E2F2: variants seen among roughly 807,000 people sequenced by gnomAD.
The protein encoded by E2F2 is E2F transcription factor 2.
E2F2 carries 22 observed loss-of-function variants against 42.2 expected under a neutral mutation model. The ratio of observed to expected loss-of-function variants is 0.52; its 90% CI spans 0.37 to 0.74. The LOEUF (loss-of-function observed/expected upper bound fraction) is 0.74. Ranked by LOEUF, E2F2 falls within the 30% of genes least tolerant of loss-of-function variation. E2F2 has a pLI of 0.00. For synonymous variants in E2F2, 248 were observed against 251.6 expected, an observed-to-expected ratio of 0.99 and a Z score of 0.13; for missense variants, 481 against 557.8, an observed-to-expected ratio of 0.86 and a Z score of 1.39.
At chr1:23,523,288 C>T (rs1188196267) in intron 2 of E2F2, among the ~76,000 whole-genome samples, 5 of 152,030 alleles carry the variant, frequency 3.3e-5, no homozygotes, top group Non-Finnish European at 7.4e-5. Flanking sequence ...TCCTGAGTAG[C>T]TGGGATTACA....
rs1249304188 is a variant in E2F2 at position 23,509,148 on chromosome 1, A to T, written c.*732T>A. On this transcript the variant is annotated 3_prime_UTR_variant, in exon 7 of 7. Coordinates refer to ENST00000361729, the MANE Select transcript of E2F2 (RefSeq NM_004091.4). Reference sequence around the variant, plus strand: ...GAGCCTCAGTGCTACCTGCCCTAGGATGGCTCCCTGGGACCATCTCTGGGA... The same window carrying T: ...GAGCCTCAGTGCTACCTGCCCTAGGTTGGCTCCCTGGGACCATCTCTGGGA... 1 of 152,078 alleles carries T rather than the reference A, an allele frequency of 6.6e-6. No individual in the cohort carries two copies. The highest frequency in any genetic ancestry group is 1.5e-5 in the Non-Finnish European group (1 of 68,010). 9.4% of individuals were successfully genotyped at this position (152,078 alleles called of 1,614,324 possible). A position where few individuals can be genotyped will look rare whatever the true frequency, so the allele number is the denominator to read the frequency against.
rs75815067 is a variant in E2F2, at chr1:23,530,757, C to G, written c.37G>C (p.Gly13Arg). 1,815 of 1,575,666 alleles carry G rather than the reference C, an allele frequency of 1.2e-3. 2 individuals are homozygous for G. The highest frequency in any genetic ancestry group is 1.5e-3 in the Non-Finnish European group (1,694 of 1,159,504). The change falls in exon 1 of 7, where the codon GGG becomes CGG. Residue 13 changes from glycine (G) to arginine (R), a missense_variant. By Grantham distance (125) the Gly-to-Arg change is moderately radical. Transcript: ENST00000361729. This position sits in a 1 kb window ranked among gnomAD's most constrained non-coding sequence, Gnocchi z 4.4. ...GCGGGCACCACCTTCGGGGTCTGCC[C>G]AGCGGCCGAAGCCAAGGCCCGGGGC... ...QGPRALASAA[G>R]QTPKVVPAMS...
At chr1:23,524,840 T>C (rs1643223752) in intron 1 of E2F2, among the ~76,000 whole-genome samples, 1 of 152,170 alleles carries the variant, frequency 6.6e-6, no homozygotes, top group Admixed American at 6.5e-5. Flanking sequence ...CAGAGGATGA[T>C]ACCAGGAGGA....
intron 6 of E2F2, among the ~76,000 whole-genome samples, chr1:23,513,608 G>A (rs928918409): frequency 2.2e-4 from 31 of 140,174 alleles, no homozygotes; most frequent in African/African-American, 7.0e-4. Context: ...GTGTGTGTGT[G>A]TGTCTGTGCA....
chr1:23,525,687 T>TG (rs1643239165), intron 1 of E2F2, among the ~76,000 whole-genome samples: 1 of 152,354 alleles, frequency 6.6e-6, no homozygotes, highest in East Asian at 1.9e-4. Context: ...GGTTAGCTCC[T>TG]GCTCCTTTAA....
intron 1 of E2F2, among the ~76,000 whole-genome samples, chr1:23,528,930 G>A (rs3218135): frequency 0.064 from 9,754 of 152,266 alleles, 351 homozygotes; most frequent in South Asian, 0.12. Context: ...CTGACCAGGT[G>A]CATTAGAGTA....
chr1:23,526,532 C>T (rs141595546), intron 1 of E2F2, among the ~76,000 whole-genome samples: 7 of 152,210 alleles, frequency 4.6e-5, no homozygotes, highest in Middle Eastern at 3.4e-3. Flanking sequence ...CTGTCTCCCC[C>T]GCCAGAACAA....
rs1344120599 is a variant in E2F2 at position 23,531,146 on chromosome 1, C to T, written c.-353G>A. On this transcript the variant is annotated 5_prime_UTR_variant, in exon 1 of 7. Transcript: ENST00000361729. ...GTCCCCGGCGTGCCCTCAAGCTCGG[C>T]GGAGACGCGATGCGCTGGGATGGGG... The T allele has an allele frequency of 3.9e-6, 1 of 256,796 alleles. No homozygotes were observed. 15.9% of individuals were successfully genotyped at this position (256,796 alleles called of 1,614,324 possible). A position where few individuals can be genotyped will look rare whatever the true frequency, so the allele number is the denominator to read the frequency against.
intron 6 of E2F2, among the ~76,000 whole-genome samples, chr1:23,514,572 A>T (rs1267121287): frequency 6.6e-6 from 1 of 152,086 alleles, no homozygotes; most frequent in Non-Finnish European, 1.5e-5. Flanking sequence ...TGGAGCCTGT[A>T]ATCCCAGCAC....
downstream of E2F2, chr1:23,506,318 C>G (rs1445851258): frequency 6.6e-6 from 1 of 152,254 alleles, no homozygotes; most frequent in East Asian, 1.9e-4. Flanking sequence ...GGGAAATCCA[C>G]TGGGCAATCA....
intron 1 of E2F2, 77 bp from the exon 2 acceptor site, chr1:23,524,565 G>T: frequency 7.4e-7 from 1 of 1,356,386 alleles, no homozygotes; most frequent in Non-Finnish European, 1.0e-6. Context: ...TGGGGCCAAA[G>T]CAATGAAGCC....
intron 5 of E2F2, among the ~76,000 whole-genome samples, chr1:23,517,741 T>C (rs1643052427): frequency 6.6e-6 from 1 of 152,016 alleles, no homozygotes; most frequent in African/African-American, 2.4e-5. Flanking sequence ...AAAGCACAGG[T>C]GTTTATGAAG....
At chr1:23,515,080 C>T (rs901052642) in intron 6 of E2F2, among the ~76,000 whole-genome samples, 2 of 152,212 alleles carry the variant, frequency 1.3e-5, no homozygotes, top group African/African-American at 4.8e-5. Context: ...CCTCTTCCAT[C>T]AGCCCAGCTC....
At position 23,521,014 on chromosome 1, in the gene E2F2, C is replaced by T; in HGVS notation, c.636G>A (p.Gln212=). The T allele has an allele frequency of 6.2e-7, 1 of 1,613,770 alleles. No individual in the cohort carries two copies. The highest frequency in any genetic ancestry group is 1.1e-5 in the South Asian group (1 of 91,026). ...CCGTGTTCATCAGCTCCTTCAGCTCCTGCCCCAGCTGTTGCTGCTTCCCAG... is the reference window on the plus strand; with the variant it reads ...CCGTGTTCATCAGCTCCTTCAGCTCTTGCCCCAGCTGTTGCTGCTTCCCAG... ...TRPGKQQQLG[Q]ELKELMNTEQ... Residue 212 remains glutamine, a synonymous_variant, in exon 4 of 7, where the codon CAG becomes CAA. Transcript: ENST00000361729.
chr1:23,521,643 T>C (rs933452941), intron 3 of E2F2, 194 bp downstream of exon 3: 1 of 985,298 alleles, frequency 1.0e-6, no homozygotes, highest in African/African-American at 1.7e-5. Context: ...ACGGCGCTCT[T>C]CCTCACCATA....
chr1:23,513,562 A>ATGTGTGTGTGTGTGTGTG (rs71023281), intron 6 of E2F2, among the ~76,000 whole-genome samples: 18 of 135,286 alleles, frequency 1.3e-4, no homozygotes, highest in East Asian at 6.7e-4. Flanking sequence ...AGCACGGAAC[A>ATGTGTGTGTGTGTGTGTG]TGTGTGTGTG....
intron 6 of E2F2, among the ~76,000 whole-genome samples, chr1:23,511,346 C>T (rs1428735086): frequency 5.9e-5 from 9 of 151,948 alleles, no homozygotes; most frequent in Admixed American, 1.3e-4. Flanking sequence ...GCAATCCTCT[C>T]GCCTCAGCCT....
chr1:23,509,847 C>T lies in E2F2; in HGVS notation c.*33G>A, dbSNP rs913982540. The T allele has an allele frequency of 1.1e-5, 16 of 1,518,972 alleles. No homozygotes were observed. The highest frequency in any genetic ancestry group is 6.2e-5 in the Admixed American group (3 of 48,302). The allele number at this position is 1,518,972 out of a possible 1,614,324, so 94.1% of individuals were successfully genotyped here. ...CAGCCTGTCTGTGAGGAGGTAGAGT[C>T]GGGGGCAGGCTGCTGGGGGCAGGCA... On this transcript the variant is annotated 3_prime_UTR_variant, in exon 7 of 7. Coordinates refer to ENST00000361729, the MANE Select transcript of E2F2 (RefSeq NM_004091.4).
At chr1:23,523,533 A>C (rs1643192543) in intron 2 of E2F2, among the ~76,000 whole-genome samples, 2 of 152,148 alleles carry the variant, frequency 1.3e-5, no homozygotes, top group South Asian at 4.1e-4. Context: ...CCACCTGGGC[A>C]GCCTCTGGAT....
Sources: gnomAD v4.1 joint callset for allele counts (sites outside exome capture counted in the v4.1 genomes callset) on GRCh38, gnomAD v4.1.1 for gene constraint, Gnocchi (gnomAD v3.1) non-coding constraint, MANE v1.5 for transcripts, NCBI Gene and HGNC (gene_info 2026-07-23, HGNC 2026-07-21) for gene names.